The following ADGRL2 variants were observed in gnomAD, a reference collection of about 807,000 sequenced individuals.
ADGRL2 encodes calcium-independent alpha-latrotoxin receptor 2.
In ADGRL2, 44 loss-of-function variants were observed where a neutral mutation model predicts 157.4. That is an observed-to-expected ratio of 0.28 (90% confidence interval 0.22 to 0.36). The LOEUF (loss-of-function observed/expected upper bound fraction) is 0.36. ADGRL2 is among the 10% of genes least tolerant of loss of function. The pLI is 1.00. For synonymous variants in ADGRL2, 585 were observed against 624.7 expected (o/e 0.94, Z 0.95); for missense variants, 1,510 against 1,768.9 (o/e 0.85, Z 2.63).
At chr1:81,355,808 T>C (rs999400357) in intron 1 of ADGRL2, among the ~76,000 whole-genome samples, 1 of 152,172 alleles carries the variant, frequency 6.6e-6, no homozygotes, top group African/African-American at 2.4e-5. Context: ...AATGGTGACC[T>C]ACTCGCTCCC....
chr1:81,604,025 A>G (rs1480424376), intron 3 of ADGRL2, among the ~76,000 whole-genome samples: 3 of 148,440 alleles, frequency 2.0e-5, no homozygotes, highest in African/African-American at 5.0e-5. Context: ...ATGCAGTGGC[A>G]TGATCTCACC....
At chr1:81,637,654 T>C (rs2082139634) in intron 3 of ADGRL2, among the ~76,000 whole-genome samples, 2 of 152,222 alleles carry the variant, frequency 1.3e-5, no homozygotes, top group Admixed American at 1.3e-4. Context: ...TGTTTTATAT[T>C]CTTAGAAATA....
chr1:81,925,001 G>C (rs2095070868), intron 3 of ADGRL2, among the ~76,000 whole-genome samples: 1 of 152,038 alleles, frequency 6.6e-6, no homozygotes, highest in Non-Finnish European at 1.5e-5. Flanking sequence ...CAGAATACTT[G>C]TATGAAAATT....
At position 81,437,458 on chromosome 1, in the gene ADGRL2, G is replaced by A. The variant is rs145921976; in HGVS notation, c.-301-7578G>A. Reference sequence around the variant, plus strand: ...ATCCAAAGTCATCTGGTTAATTGGAGGAGGTGGGGAGATGAAGTTGCTTCC... The same window carrying A: ...ATCCAAAGTCATCTGGTTAATTGGAAGAGGTGGGGAGATGAAGTTGCTTCC... On this transcript the variant is annotated intron_variant, in intron 1 of 24. Transcript: ENST00000370721. Among the ~76,000 whole-genome samples, 426 of 152,292 alleles carry A rather than the reference G, an allele frequency of 2.8e-3. 2 individuals carry two copies. Among genetic ancestry groups the A allele is most frequent in the Middle Eastern group, 0.014 (4 of 294 alleles).
intron 3 of ADGRL2, among the ~76,000 whole-genome samples, chr1:81,917,410 A>G (rs1434721001): frequency 3.3e-5 from 5 of 152,164 alleles, no homozygotes; most frequent in Non-Finnish European, 7.4e-5. Flanking sequence ...CTTTAAGTAT[A>G]TTATAGCAAT....
chr1:81,859,234 A>G (rs573072193), intron 2 of ADGRL2, among the ~76,000 whole-genome samples: 2 of 152,072 alleles, frequency 1.3e-5, no homozygotes, highest in East Asian at 1.9e-4. Context: ...TTTTGTATAC[A>G]TGTATTTATT....
intron 1 of ADGRL2, among the ~76,000 whole-genome samples, chr1:81,324,958 C>T (rs562072814): frequency 1.0e-3 from 157 of 152,128 alleles, no homozygotes; most frequent in Non-Finnish European, 1.7e-3. Flanking sequence ...CTCAGGTGAT[C>T]CACCCACCCC....
intron 3 of ADGRL2, chr1:81,596,130 C>A: frequency 1.5e-5 from 6 of 401,780 alleles, no homozygotes; most frequent in Non-Finnish European, 2.4e-5. Context: ...AACTGGTAAT[C>A]AATTTATTAA....
intron 8 of ADGRL2, 152 bp downstream of exon 8, chr1:81,951,273 G>A: frequency 3.6e-6 from 2 of 556,324 alleles, no homozygotes; most frequent in Non-Finnish European, 6.4e-6. Flanking sequence ...TCTGTAAACT[G>A]TTTATTGAAA....
intron 1 of ADGRL2, among the ~76,000 whole-genome samples, chr1:81,745,268 C>A (rs977046356): frequency 6.6e-6 from 1 of 152,156 alleles, no homozygotes; most frequent in African/African-American, 2.4e-5. Context: ...TGCAAATATT[C>A]TCTCTCTTGA....
chr1:81,760,178 T>C (rs1280953778), intron 1 of ADGRL2, among the ~76,000 whole-genome samples: 1 of 152,110 alleles, frequency 6.6e-6, no homozygotes, highest in Non-Finnish European at 1.5e-5. Context: ...AAGTTGCCCA[T>C]TAAATTGTTA....
chr1:81,652,062 C>T (rs2082432942), intron 3 of ADGRL2, among the ~76,000 whole-genome samples: 1 of 152,006 alleles, frequency 6.6e-6, no homozygotes, highest in South Asian at 2.1e-4. Context: ...GGCTAATGCC[C>T]ATTTTGTTAT....
intron 3 of ADGRL2, among the ~76,000 whole-genome samples, chr1:81,622,093 C>G (rs1417480873): frequency 6.6e-6 from 1 of 152,124 alleles, no homozygotes; most frequent in Non-Finnish European, 1.5e-5. Flanking sequence ...AGGATAGAAG[C>G]TAGGACTTTT....
intron 2 of ADGRL2, among the ~76,000 whole-genome samples, chr1:81,847,701 A>G (rs142837666): frequency 2.1e-3 from 321 of 151,910 alleles, no homozygotes; most frequent in Non-Finnish European, 4.0e-3. Context: ...TCTCCCTAAT[A>G]TTTCCCTCTA....
intron 1 of ADGRL2, among the ~76,000 whole-genome samples, chr1:81,729,459 G>T (rs1211878002): frequency 2.0e-5 from 3 of 152,074 alleles, no homozygotes; most frequent in Non-Finnish European, 4.4e-5. Context: ...TAAATGAAAA[G>T]AACTACCTCT....
rs575965335 is a variant in ADGRL2, at chr1:81,501,635, G to T, written c.-248+56546G>T. Among the ~76,000 whole-genome samples, 13 of 152,342 alleles carry T rather than the reference G, an allele frequency of 8.5e-5. No individual in the cohort carries two copies. The South Asian group carries it at 2.7e-3, about 32-fold the overall frequency. On this transcript the variant is annotated intron_variant, in intron 2 of 24. Coordinates refer to the ADGRL2 transcript ENST00000370721. Reference sequence around the variant, plus strand: ...GAGGAGTCCGAGACGCAGCTGCCGCGCCTGGGCCTGAGCGGCCGCCTCCTC... The same window carrying T: ...GAGGAGTCCGAGACGCAGCTGCCGCTCCTGGGCCTGAGCGGCCGCCTCCTC...
At chr1:81,527,853 G>A (rs1354696815) in intron 2 of ADGRL2, among the ~76,000 whole-genome samples, 1 of 151,966 alleles carries the variant, frequency 6.6e-6, no homozygotes, top group African/African-American at 2.4e-5. Context: ...GGATCACGAG[G>A]TCAGGAGATC....
intron 1 of ADGRL2, among the ~76,000 whole-genome samples, chr1:81,433,733 C>T (rs1407483568): frequency 1.3e-5 from 2 of 152,174 alleles, no homozygotes; most frequent in South Asian, 2.1e-4. Flanking sequence ...AATTTAATGG[C>T]TTGAAAGAAG....
intron 1 of ADGRL2, among the ~76,000 whole-genome samples, chr1:81,357,969 A>G (rs1041604653): frequency 1.3e-5 from 2 of 151,392 alleles, no homozygotes; most frequent in African/African-American, 2.4e-5. Flanking sequence ...TTCAAATGTT[A>G]TAAGAATATG....
Sources: gnomAD v4.1 joint callset for allele counts (sites outside exome capture counted in the v4.1 genomes callset) on GRCh38, gnomAD v4.1.1 for gene constraint, MANE v1.5 for transcripts, NCBI Gene and HGNC (gene_info 2026-07-23, HGNC 2026-07-21) for gene names.